The following MTA3 variants were observed in gnomAD, a reference collection of about 807,000 sequenced individuals.
The protein encoded by MTA3 is metastasis associated 1 family member 3, also known as metastasis-associated protein MTA3.
Under a neutral mutation model 83.5 loss-of-function variants are expected in MTA3, and 34 were observed. The ratio of observed to expected loss-of-function variants is 0.41; its 90% CI spans 0.31 to 0.54. The LOEUF (loss-of-function observed/expected upper bound fraction) is 0.54. Ranked by LOEUF, MTA3 falls within the 20% of genes least tolerant of loss-of-function variation. The pLI, the probability that MTA3 is intolerant of heterozygous loss-of-function variation, is 0.33. For missense variants in MTA3, 761 were observed against 726.4 expected (o/e 1.05, Z -0.55); for synonymous variants, 303 against 252.7 (o/e 1.20, Z -1.89).
At chr2:42,696,913 C>G (rs1693435591) in intron 10 of MTA3, among the ~76,000 whole-genome samples, 3 of 152,016 alleles carry the variant, frequency 2.0e-5, no homozygotes, top group African/African-American at 7.2e-5. Context: ...GTCTGGGAAC[C>G]TATTTTATTA....
chr2:42,714,719 G>A (rs1573732591), intron 14 of MTA3, among the ~76,000 whole-genome samples: 2 of 152,154 alleles, frequency 1.3e-5, no homozygotes, highest in East Asian at 3.8e-4. Context: ...TCATGAACTG[G>A]GTGGTGTGGG....
intron 8 of MTA3, among the ~76,000 whole-genome samples, chr2:42,671,527 T>C (rs1431567747): frequency 6.6e-6 from 1 of 152,198 alleles, no homozygotes; most frequent in Non-Finnish European, 1.5e-5. Flanking sequence ...TGCTAGCCTT[T>C]TTAAGACCTT....
chr2:42,725,648 G>T (rs1667756451), intron 16 of MTA3, among the ~76,000 whole-genome samples: 1 of 152,216 alleles, frequency 6.6e-6, no homozygotes, highest in African/African-American at 2.4e-5. Context: ...ACCCAGAGGA[G>T]AGGGCACTGC....
intron 2 of MTA3, among the ~76,000 whole-genome samples, chr2:42,539,283 C>T (rs1003963121): frequency 2.6e-5 from 4 of 152,024 alleles, no homozygotes; most frequent in Admixed American, 2.0e-4. Flanking sequence ...CTTACAGTTC[C>T]GCAGGGCTGG....
chr2:42,536,176 G>A (rs558131226), intron 2 of MTA3, among the ~76,000 whole-genome samples: 1 of 150,506 alleles, frequency 6.6e-6, no homozygotes, highest in Admixed American at 6.6e-5. Context: ...CGGGCCATAT[G>A]AAAATCGAGG....
Position 42,754,874 on chromosome 2 carries a change from G to C in MTA3, c.*1475G>C. ...CCGCTTGGCAGAGAGAGCGTGCTGT[G>C]TGAGGTGGAGGGCGGTTTTGCAGAC... On this transcript the variant is annotated 3_prime_UTR_variant, in exon 17 of 17. Coordinates refer to ENST00000405094, the MANE Select transcript of MTA3 (RefSeq NM_001330442.2). 1 of 985,628 alleles carries C rather than the reference G, an allele frequency of 1.0e-6. No homozygotes were observed. Among genetic ancestry groups the C allele is most frequent in the Non-Finnish European group, 1.2e-6 (1 of 830,078 alleles). The allele number at this position is 985,628 out of a possible 1,614,324, so 61.1% of individuals were successfully genotyped here. A position where few individuals can be genotyped will look rare whatever the true frequency, so the allele number is the denominator to read the frequency against.
Position 42,532,467 on chromosome 2 carries a change from G to A in MTA3, c.-141+37213G>A, listed in dbSNP as rs192791640. 4.3e-4 allele frequency among the ~76,000 whole-genome samples: 66 copies of A among 152,220 alleles called. 1 individual carries two copies. The highest frequency in any genetic ancestry group is 1.5e-3 in the African/African-American group (64 of 41,538). Reference sequence around the variant, plus strand: ...AGAGGTTGCAGTGAGCCAAGACTGCGCCTCTGCACTCCAGCCTGGGCGACA... The same window carrying A: ...AGAGGTTGCAGTGAGCCAAGACTGCACCTCTGCACTCCAGCCTGGGCGACA... On this transcript the variant is annotated intron_variant, in intron 2 of 17. Transcript: ENST00000405592.
At chr2:42,709,722 T>C (rs116796469) in intron 14 of MTA3, among the ~76,000 whole-genome samples, 5 of 152,190 alleles carry the variant, frequency 3.3e-5, no homozygotes, top group Non-Finnish European at 5.9e-5. Flanking sequence ...AAATTACACA[T>C]TGCATTTTCA....
At chr2:42,553,454 G>A (rs1677220904) in intron 2 of MTA3, among the ~76,000 whole-genome samples, 2 of 150,216 alleles carry the variant, frequency 1.3e-5, no homozygotes, top group Admixed American at 6.7e-5. Context: ...CTGGGTGTTG[G>A]GCCAGACACG....
chr2:42,588,791 A>G (rs747900273), intron 3 of MTA3, among the ~76,000 whole-genome samples: 3 of 124,094 alleles, frequency 2.4e-5, no homozygotes, highest in Non-Finnish European at 3.3e-5. Context: ...GCATGTATAC[A>G]CATGTATGTA....
At chr2:42,652,291 A>C (rs941291744) in intron 6 of MTA3, among the ~76,000 whole-genome samples, 2 of 152,076 alleles carry the variant, frequency 1.3e-5, no homozygotes, top group Non-Finnish European at 2.9e-5. Context: ...TCTTAGATTC[A>C]TTTAAAGGGG....
intron 16 of MTA3, among the ~76,000 whole-genome samples, chr2:42,741,667 T>G (rs1669038846): frequency 6.6e-6 from 1 of 152,158 alleles, no homozygotes; most frequent in East Asian, 1.9e-4. Context: ...ACATAGCATT[T>G]TTTTTATTAA....
chr2:42,689,278 T>C (rs533443502), intron 9 of MTA3, among the ~76,000 whole-genome samples: 4 of 152,356 alleles, frequency 2.6e-5, no homozygotes, highest in African/African-American at 9.6e-5. Context: ...GAAATTTATC[T>C]TTTTAAATTG....
intron 5 of MTA3, among the ~76,000 whole-genome samples, chr2:42,643,358 C>T (rs879425084): frequency 2.0e-5 from 3 of 152,126 alleles, no homozygotes; most frequent in Non-Finnish European, 2.9e-5. Flanking sequence ...ACTTCTGCTT[C>T]TGGTTCAGAT....
chr2:42,642,201 C>T (rs768748446), intron 5 of MTA3, among the ~76,000 whole-genome samples: 32 of 151,992 alleles, frequency 2.1e-4, no homozygotes, highest in Non-Finnish European at 4.3e-4. Flanking sequence ...AATATTTTCC[C>T]ATATCAGGAC....
intron 6 of MTA3, among the ~76,000 whole-genome samples, chr2:42,648,712 A>T (rs1463886105): frequency 1.3e-5 from 2 of 152,230 alleles, no homozygotes; most frequent in Admixed American, 6.5e-5. Flanking sequence ...TGAATAAACC[A>T]CCTAGAAAAT....
chr2:42,645,896 G>A (rs1477340169), intron 6 of MTA3, among the ~76,000 whole-genome samples: 2 of 152,218 alleles, frequency 1.3e-5, no homozygotes, highest in Admixed American at 6.5e-5. Flanking sequence ...GAGTTTCAAT[G>A]TAGATAAAAC....
intron 16 of MTA3, among the ~76,000 whole-genome samples, chr2:42,725,208 T>C (rs1022920485): frequency 6.6e-6 from 1 of 152,236 alleles, no homozygotes; most frequent in Non-Finnish European, 1.5e-5. Context: ...CTTAGCACAG[T>C]ACTTGGCATG....
intron 2 of MTA3, among the ~76,000 whole-genome samples, chr2:42,540,498 G>T (rs1213215269): frequency 6.6e-6 from 1 of 151,990 alleles, no homozygotes; most frequent in Non-Finnish European, 1.5e-5. Flanking sequence ...AGGGGAAAAT[G>T]ATCTGTCTAT....
Sources: gnomAD v4.1 joint callset for allele counts (sites outside exome capture counted in the v4.1 genomes callset) on GRCh38, gnomAD v4.1.1 for gene constraint, MANE v1.5 for transcripts, NCBI Gene and HGNC (gene_info 2026-07-23, HGNC 2026-07-21) for gene names.